ACYP2: variants seen among roughly 807,000 people sequenced by gnomAD.
The protein encoded by ACYP2 is acylphosphatase 2.
A neutral mutation model predicts 11.2 loss-of-function variants in ACYP2; 12 were observed. The observed-to-expected ratio is 1.08, with a 90% CI of 0.69 to 1.74. The LOEUF (loss-of-function observed/expected upper bound fraction) is 1.74. Ranked by LOEUF, ACYP2 falls within the 40% of genes most tolerant of loss-of-function variation. The pLI is 0.00. For missense variants in ACYP2, 134 were observed against 101.9 expected (o/e 1.31, Z -1.35); for synonymous variants, 43 against 32.2 (o/e 1.33, Z -1.13).
intron 4 of ACYP2, among the ~76,000 whole-genome samples, chr2:54,122,660 G>A (rs764064863): frequency 1.1e-4 from 17 of 152,160 alleles, no homozygotes; most frequent in Non-Finnish European, 1.9e-4. Context: ...TATCTGTTGT[G>A]CAGTATGCTT....
intron 2 of ACYP2, among the ~76,000 whole-genome samples, chr2:53,989,926 T>A (rs974552019): frequency 1.3e-5 from 2 of 152,080 alleles, no homozygotes; most frequent in African/African-American, 4.8e-5. Context: ...TTTGAGAATG[T>A]TTTCATCATT....
At chr2:54,149,293 T>C (rs1682038147) in intron 6 of ACYP2, among the ~76,000 whole-genome samples, 1 of 152,228 alleles carries the variant, frequency 6.6e-6, no homozygotes, top group Non-Finnish European at 1.5e-5. Context: ...GCTGTGATTA[T>C]AGCAGCCCTG....
intron 6 of ACYP2, among the ~76,000 whole-genome samples, chr2:54,250,455 G>A (rs370889218): frequency 2.1e-4 from 27 of 127,288 alleles, no homozygotes; most frequent in African/African-American, 6.1e-4. Context: ...GCAGAACTCC[G>A]TCTCAGGGCA....
Position 54,255,877 on chromosome 2 carries a change from G to A in ACYP2, c.405-48811G>A, listed in dbSNP as rs758349379. The A allele has an allele frequency of 3.1e-6, 5 of 1,613,994 alleles. No homozygotes were observed. In the South Asian group the frequency reaches 5.5e-5, roughly 18 times the overall value. On this transcript the variant is annotated intron_variant, in intron 6 of 6. Coordinates refer to ENST00000607452, the MANE Select transcript of ACYP2 (RefSeq NM_001320586.2). ...CGCTTCTAGGCCCTCCGCGGGTGGT[G>A]GAGTCACTTCCTGCCCCGCTTTGAT...
intron 2 of ACYP2, among the ~76,000 whole-genome samples, chr2:54,035,814 G>C (rs905384440): frequency 6.6e-6 from 1 of 152,176 alleles, no homozygotes; most frequent in African/African-American, 2.4e-5. Flanking sequence ...TCATGGAGAA[G>C]TACCTTCTAA....
intron 2 of ACYP2, among the ~76,000 whole-genome samples, chr2:53,993,162 C>T (rs1268395200): frequency 6.6e-6 from 1 of 151,904 alleles, no homozygotes; most frequent in Non-Finnish European, 1.5e-5. Flanking sequence ...GCCGAGATGG[C>T]ACCACTGCAC....
chr2:54,164,920 C>G (rs1682885313), intron 6 of ACYP2, among the ~76,000 whole-genome samples: 1 of 152,120 alleles, frequency 6.6e-6, no homozygotes, highest in African/African-American at 2.4e-5. Flanking sequence ...GTCATGTGTT[C>G]TCATTGTTCA....
chr2:54,219,854 T>C (rs1293564457), intron 6 of ACYP2, among the ~76,000 whole-genome samples: 1 of 64,274 alleles, frequency 1.6e-5, no homozygotes, highest in African/African-American at 6.3e-5. Context: ...TGTGTGTATA[T>C]AGATGTGTGT....
chr2:54,039,441 A>C (rs977143821), intron 2 of ACYP2, among the ~76,000 whole-genome samples: 1 of 151,714 alleles, frequency 6.6e-6, no homozygotes, highest in Non-Finnish European at 1.5e-5. Flanking sequence ...ACAGGTGTGC[A>C]CTATCATGCC....
chr2:54,120,900 CT>C (rs1680113181), intron 4 of ACYP2, among the ~76,000 whole-genome samples: 2 of 152,270 alleles, frequency 1.3e-5, no homozygotes, highest in Admixed American at 1.3e-4. Context: ...AGGCCTGAGC[CT>C]CCAGAAAGTG....
At chr2:54,168,758 A>G (rs1378936297) in intron 6 of ACYP2, among the ~76,000 whole-genome samples, 2 of 152,224 alleles carry the variant, frequency 1.3e-5, no homozygotes, top group African/African-American at 4.8e-5. Flanking sequence ...GAAAATGTAA[A>G]ATGGATGATA....
chr2:54,209,170 G>C (rs1270934295), intron 6 of ACYP2, among the ~76,000 whole-genome samples: 1 of 151,726 alleles, frequency 6.6e-6, no homozygotes, highest in African/African-American at 2.4e-5. Context: ...TCATTTTTGT[G>C]ACCTATTGGA....
intron 2 of ACYP2, among the ~76,000 whole-genome samples, chr2:54,036,723 A>G (rs922816319): frequency 2.0e-5 from 3 of 152,226 alleles, no homozygotes; most frequent in Admixed American, 2.0e-4. Flanking sequence ...GCAAGCAAGA[A>G]AATTCTGGTC....
intron 2 of ACYP2, among the ~76,000 whole-genome samples, chr2:53,994,447 A>T: frequency 7.0e-6 from 1 of 143,838 alleles, no homozygotes; most frequent in Non-Finnish European, 1.5e-5. Context: ...TGAACCCAGG[A>T]GGTGGAGGTT....
intron 2 of ACYP2, among the ~76,000 whole-genome samples, chr2:53,976,186 A>G (rs1452659432): frequency 6.6e-6 from 1 of 152,222 alleles, no homozygotes; most frequent in Non-Finnish European, 1.5e-5. Context: ...TGGCAAGTGA[A>G]TGAATCTCTG....
intron 4 of ACYP2, among the ~76,000 whole-genome samples, chr2:54,096,153 G>A (rs1428689120): frequency 7.2e-5 from 10 of 139,710 alleles, no homozygotes; most frequent in African/African-American, 2.7e-4. Context: ...CTCACTTCTC[G>A]GACGGGGCGG....
At chr2:54,115,650 T>A in intron 4 of ACYP2, 2 of 1,591,730 alleles carry the variant, frequency 1.3e-6, no homozygotes, top group African/African-American at 1.3e-5. Context: ...CCGCAGTCGC[T>A]GCGCCCCGAG....
chr2:54,190,761 T>A (rs753473885), intron 6 of ACYP2, among the ~76,000 whole-genome samples: 3 of 152,128 alleles, frequency 2.0e-5, no homozygotes, highest in Non-Finnish European at 4.4e-5. Context: ...TATCTAGACC[T>A]GAACTCCAGA....
intron 6 of ACYP2, among the ~76,000 whole-genome samples, chr2:54,287,797 AG>A (rs1459977775): frequency 1.3e-5 from 2 of 151,994 alleles, no homozygotes; most frequent in African/African-American, 4.8e-5. Context: ...GCTCTTGGCA[AG>A]TACTGCAAAG....
Sources: allele counts gnomAD v4.1 joint callset (sites outside exome capture counted in the v4.1 genomes callset), GRCh38; gene constraint gnomAD v4.1.1; transcripts MANE v1.5; gene names NCBI Gene and HGNC (gene_info 2026-07-23, HGNC 2026-07-21).